The following TYW2 variants were observed in gnomAD, a reference collection of about 807,000 sequenced individuals.
The protein encoded by TYW2 is tRNA wybutosine-synthesizing protein 2, also known as tRNA wybutosine-synthesizing protein 2 homolog.
chr8:124,452,414 C>A, the TYW2 span: 5 of 779,242 alleles, frequency 6.4e-6, no homozygotes, highest in Non-Finnish European at 1.0e-5. Context: ...GGCTCTAGAT[C>A]AATTCAAATT....
At chr8:124,451,973 C>A in the TYW2 span, 30 of 1,614,060 alleles carry the variant, frequency 1.9e-5, no homozygotes, top group Admixed American at 6.7e-5. Context: ...AATCTTCAGG[C>A]TCTTGGAGTC....
the TYW2 span, chr8:124,451,020 G>C: frequency 6.2e-7 from 1 of 1,614,202 alleles, no homozygotes; most frequent in Non-Finnish European, 8.5e-7. Flanking sequence ...GGTTTACCCA[G>C]CGATACAGAG....
chr8:124,451,244 A>T, the TYW2 span: 7 of 1,613,844 alleles, frequency 4.3e-6, no homozygotes, highest in African/African-American at 9.4e-5. Context: ...CCTGCCCAAA[A>T]ATTGTGTCTT....
At chr8:124,451,270 G>A in the TYW2 span, 2 of 1,614,092 alleles carry the variant, frequency 1.2e-6, no homozygotes, top group East Asian at 4.5e-5. Context: ...GAGTCGCTGG[G>A]TGGAGGGTCG....
the TYW2 span, chr8:124,451,660 A>T: frequency 6.2e-7 from 1 of 1,614,146 alleles, no homozygotes; most frequent in African/African-American, 1.3e-5. Context: ...CTATGCAGGG[A>T]TTGGTTATTT....
At chr8:124,452,110 TG>T in the TYW2 span, 6 of 1,614,078 alleles carry the variant, frequency 3.7e-6, no homozygotes, top group Admixed American at 5.0e-5. Context: ...GTGGCAAAGG[TG>T]GGCAGAATCT....
the TYW2 span, chr8:124,451,629 T>C: frequency 6.2e-7 from 1 of 1,614,198 alleles, no homozygotes; most frequent in Non-Finnish European, 8.5e-7. Context: ...TGTCCTGTGC[T>C]GGAGAAGTGC....
the TYW2 span, chr8:124,451,323 A>G: frequency 6.2e-7 from 1 of 1,614,158 alleles, no homozygotes; most frequent in Non-Finnish European, 8.5e-7. Context: ...ATTTGCCCCG[A>G]TCATGGCAAC....
chr8:124,451,525 G>A, the TYW2 span: 1 of 1,614,222 alleles, frequency 6.2e-7, no homozygotes, highest in East Asian at 2.2e-5. Flanking sequence ...TGGCTGGGTA[G>A]AGCATGTGGA....
the TYW2 span, chr8:124,450,875 A>C: frequency 6.4e-7 from 1 of 1,553,184 alleles, no homozygotes; most frequent in Non-Finnish European, 8.7e-7. Context: ...TAAGACCGGG[A>C]ATTTAGTCAG....
the TYW2 span, chr8:124,450,927 G>A: frequency 1.9e-6 from 3 of 1,611,962 alleles, no homozygotes; most frequent in Admixed American, 5.0e-5. Context: ...TCGCTGAGGT[G>A]ATGAGAGAGA....
chr8:124,451,549 T>G, the TYW2 span: 1 of 1,614,166 alleles, frequency 6.2e-7, no homozygotes, highest in Non-Finnish European at 8.5e-7. Flanking sequence ...TGGTATCCGT[T>G]ATAAGTTTGA....
the TYW2 span, chr8:124,450,842 G>T: frequency 0.081 from 120,484 of 1,480,408 alleles, 5,361 homozygotes; most frequent in East Asian, 0.18. Flanking sequence ...GGCATGGCCG[G>T]GTGAGCTGCA....
chr8:124,452,310 C>A, the TYW2 span: 184 of 1,595,000 alleles, frequency 1.2e-4, no homozygotes, highest in Admixed American at 3.0e-3. Flanking sequence ...GATCCACGTG[C>A]GAGTGGCCCT....
chr8:124,452,146 C>T, the TYW2 span: 3 of 1,614,258 alleles, frequency 1.9e-6, no homozygotes, highest in South Asian at 2.2e-5. Context: ...CGCCACTCTT[C>T]TTCAGCAGGT....
chr8:124,450,924 G>C, the TYW2 span: 3 of 1,611,182 alleles, frequency 1.9e-6, no homozygotes, highest in Non-Finnish European at 2.5e-6. Context: ...GTATCGCTGA[G>C]GTGATGAGAG....
the TYW2 span, chr8:124,452,501 C>T: frequency 1.9e-6 from 1 of 525,540 alleles, no homozygotes; most frequent in South Asian, 3.1e-5. Context: ...TGAAATGAGG[C>T]TCATCTGTGC....
chr8:124,451,783 C>A, the TYW2 span: 1 of 1,614,124 alleles, frequency 6.2e-7, no homozygotes, highest in Non-Finnish European at 8.5e-7. Context: ...AGTAGCAGAT[C>A]GGTGCCAAAT....
At chr8:124,452,051 C>A in the TYW2 span, 1 of 1,614,174 alleles carries the variant, frequency 6.2e-7, no homozygotes, top group African/African-American at 1.3e-5. Flanking sequence ...AAAAATGGAG[C>A]TACCAGGGAT....
Sources: gnomAD v4.1 joint callset for allele counts on GRCh38, gnomAD v4.1.1 for gene constraint, MANE v1.5 for transcripts, NCBI Gene and HGNC (gene_info 2026-07-23, HGNC 2026-07-21) for gene names.